EPB41L4B: variants seen among roughly 807,000 people sequenced by gnomAD.
EPB41L4B encodes the protein erythrocyte membrane protein band 4.1 like 4B.
EPB41L4B carries 30 observed loss-of-function variants against 112.5 expected under a neutral mutation model. The ratio of observed to expected loss-of-function variants is 0.27; its 90% confidence interval spans 0.20 to 0.36. The LOEUF is 0.36. Ranked by LOEUF, EPB41L4B falls within the 10% of genes least tolerant of loss-of-function variation. EPB41L4B has a pLI of 1.00. For missense variants in EPB41L4B, 1,024 were observed against 1,133.3 expected (o/e 0.90, Z 1.38); for synonymous variants, 408 against 439.7 (o/e 0.93, Z 0.90).
Position 109,253,455 on chromosome 9 carries a change from T to C in EPB41L4B, c.1265A>G (p.His422Arg), listed in dbSNP as rs780260303. ...AAACACACAACCTTTGAACGTTGAATGTCTCCGGGATGGATAACGTTTACT... is the reference window on the plus strand; with the variant it reads ...AAACACACAACCTTTGAACGTTGAACGTCTCCGGGATGGATAACGTTTACT... ...KPSKRYPSRR[H>R]STFKASNPVI... The change falls in exon 12 of 26, where the codon CAT becomes CGT. Residue 422 changes from histidine to arginine, a missense_variant. His to Arg is a conservative substitution (Grantham distance 29, BLOSUM62 0). Transcript: ENST00000374566. 6.2e-7 allele frequency: 1 copy of C among 1,611,486 alleles called. No homozygotes were observed. Among genetic ancestry groups the C allele is most frequent in the Non-Finnish European group, 8.5e-7 (1 of 1,177,838 alleles).
chr9:109,217,706 G>A (rs984965660), intron 15 of EPB41L4B, among the ~76,000 whole-genome samples: 1 of 152,126 alleles, frequency 6.6e-6, no homozygotes. Flanking sequence ...CAGGCAACTG[G>A]GGCCACAGGG....
intron 4 of EPB41L4B, among the ~76,000 whole-genome samples, chr9:109,265,259 G>A (rs180731757): frequency 2.0e-5 from 3 of 152,348 alleles, no homozygotes; most frequent in Admixed American, 2.0e-4. Flanking sequence ...GATACTTGTA[G>A]GATGGAACGT....
rs572374954 is a variant in EPB41L4B at position 109,310,288 on chromosome 9, C to T, written c.306+9853G>A. On this transcript the variant is annotated intron_variant, in intron 1 of 25. Coordinates refer to ENST00000374566, the MANE Select transcript of EPB41L4B (RefSeq NM_019114.5). ...ACTAACATGATATTGTTTAGGAAAA[C>T]GTACACATGCAGAGAACCTATAAAG... Among the ~76,000 whole-genome samples, 33 of 151,124 alleles carry T rather than the reference C, an allele frequency of 2.2e-4. No individual in the cohort carries two copies. In the South Asian group the frequency reaches 3.4e-3, roughly 15 times the overall value.
intron 19 of EPB41L4B, among the ~76,000 whole-genome samples, chr9:109,203,106 A>G (rs937265508): frequency 6.6e-6 from 1 of 152,240 alleles, no homozygotes; most frequent in African/African-American, 2.4e-5. Flanking sequence ...GTGAGCCGAG[A>G]TCGCACCACT....
At chr9:109,178,512 GT>G (rs1831929996) in intron 24 of EPB41L4B, among the ~76,000 whole-genome samples, 1 of 151,918 alleles carries the variant, frequency 6.6e-6, no homozygotes, top group Non-Finnish European at 1.5e-5. Context: ...AGTAGCTGGG[GT>G]TACAGGTGCC....
intron 17 of EPB41L4B, among the ~76,000 whole-genome samples, chr9:109,213,497 C>A (rs540702101): frequency 2.0e-5 from 3 of 152,250 alleles, no homozygotes; most frequent in African/African-American, 4.8e-5. Context: ...CTGGGAACGA[C>A]GCCTAATGCT....
At position 109,284,818 on chromosome 9, in the gene EPB41L4B, T is replaced by C. The variant is rs369856536; in HGVS notation, c.307-4897A>G. 3.9e-5 allele frequency among the ~76,000 whole-genome samples: 6 copies of C among 152,342 alleles called. No individual in the cohort carries two copies. In the East Asian group the frequency reaches 7.7e-4, roughly 20 times the overall value. The stretch of plus-strand genomic sequence containing the variant: ...TTCTTGACCTTAACAACCCACCCTT[T>C]GGATATTTTTTTCCCTATTACTATC... On this transcript the variant is annotated intron_variant, in intron 1 of 25. Transcript: ENST00000374566.
rs1050005867 is a variant in EPB41L4B at position 109,172,718 on chromosome 9, TAGAA to T, written c.*1832_*1835del. 1.3e-5 allele frequency: 2 copies of T among 152,516 alleles called. No individual in the cohort carries two copies. The highest frequency in any genetic ancestry group is 2.4e-5 in the African/African-American group (1 of 41,454). The allele number at this position is 152,516 out of a possible 1,614,324, so 9.4% of individuals were successfully genotyped here. Reference sequence around the variant, plus strand: ...AGGCAGGGAAGTGCGTAATACATTTTAGAAAGATTTCCCTCAAAAAAAAATATAT... The same window carrying T: ...AGGCAGGGAAGTGCGTAATACATTTTAGATTTCCCTCAAAAAAAAATATAT... On this transcript the variant is annotated 3_prime_UTR_variant, in exon 26 of 26. Transcript: ENST00000374566.
chr9:109,233,392 C>T (rs974497838), intron 15 of EPB41L4B, among the ~76,000 whole-genome samples: 1 of 152,028 alleles, frequency 6.6e-6, no homozygotes, highest in African/African-American at 2.4e-5. Context: ...TTATCAATAC[C>T]CTCCCAAACA....
chr9:109,213,754 C>T lies in EPB41L4B; in HGVS notation c.1698G>A (p.Leu566=), dbSNP rs766698155. ...AGGGTCCAGCAGCCTTCACAGTTTC[C>T]AGTTCCAGCTTCTTTAGATGGGCAG... ...EAAAHLKKLE[L]ETVKAAGPWP... Residue 566 remains leucine (L), a synonymous_variant, in exon 17 of 26, where the codon CTG becomes CTA. Coordinates refer to ENST00000374566, the MANE Select transcript of EPB41L4B (RefSeq NM_019114.5). The T allele has an allele frequency of 1.2e-6, 2 of 1,614,150 alleles. No homozygotes were observed. The highest frequency in any genetic ancestry group is 4.5e-5 in the East Asian group (2 of 44,870).
At position 109,181,796 on chromosome 9, in the gene EPB41L4B, C is replaced by T. The variant is rs575050570; in HGVS notation, c.2487+933G>A. ...GTGTTCAAACAGATACATGTACACA[C>T]ATATGCATAGCAGCACTATTCACAA... On this transcript the variant is annotated intron_variant, in intron 24 of 25. Coordinates refer to ENST00000374566, the MANE Select transcript of EPB41L4B (RefSeq NM_019114.5). Among the ~76,000 whole-genome samples, 10 of 152,334 alleles carry T rather than the reference C, an allele frequency of 6.6e-5. No individual in the cohort carries two copies. In the East Asian group the frequency reaches 9.6e-4, roughly 15 times the overall value.
At chr9:109,219,869 G>A (rs113862723) in intron 15 of EPB41L4B, among the ~76,000 whole-genome samples, 5 of 152,120 alleles carry the variant, frequency 3.3e-5, no homozygotes, top group South Asian at 2.1e-4. Context: ...AGCTGGCTCC[G>A]GCTGTAAGGA....
intron 2 of EPB41L4B, among the ~76,000 whole-genome samples, chr9:109,273,231 A>T (rs1184298267): frequency 6.6e-6 from 1 of 151,174 alleles, no homozygotes; most frequent in African/African-American, 2.4e-5. Flanking sequence ...GGATGAGGAG[A>T]GGCCTGTGGC....
At chr9:109,250,804 C>G (rs760928838) in intron 13 of EPB41L4B, among the ~76,000 whole-genome samples, 1 of 152,200 alleles carries the variant, frequency 6.6e-6, no homozygotes, top group Non-Finnish European at 1.5e-5. Context: ...AAAAACTATA[C>G]CCCTTGGGCC....
rs531747884 is a variant in EPB41L4B, at chr9:109,240,993, TC to T, written c.1409+2624del. 1.6e-5 allele frequency: 16 copies of T among 985,302 alleles called. No individual in the cohort carries two copies. The Admixed American group carries it at 9.8e-4, about 61-fold the overall frequency. The allele number at this position is 985,302 out of a possible 1,614,324, so 61.0% of individuals were successfully genotyped here. A position where few individuals can be genotyped will look rare whatever the true frequency, so the allele number is the denominator to read the frequency against. ...CTGCTTTAAGATGTGAAATTCAAAGTCCCCCTGTATCTATATAACATCTAAT... is the reference window on the plus strand; with the variant it reads ...CTGCTTTAAGATGTGAAATTCAAAGTCCCCTGTATCTATATAACATCTAAT... On this transcript the variant is annotated intron_variant, in intron 15 of 25. Transcript: ENST00000374566.
intron 1 of EPB41L4B, among the ~76,000 whole-genome samples, chr9:109,304,488 T>C (rs1222516979): frequency 6.6e-6 from 1 of 152,250 alleles, no homozygotes; most frequent in African/African-American, 2.4e-5. Context: ...TCATATGTTG[T>C]TCTTATACCA....
chr9:109,267,733 C>T (rs1835460454), intron 3 of EPB41L4B, among the ~76,000 whole-genome samples, 182 bp from the exon 4 acceptor site: 1 of 152,174 alleles, frequency 6.6e-6, no homozygotes, highest in Non-Finnish European at 1.5e-5. Flanking sequence ...GATGGATGGA[C>T]TTTTGTGCTG....
chr9:109,191,681 G>A (rs1048013218), intron 22 of EPB41L4B, among the ~76,000 whole-genome samples: 3 of 152,132 alleles, frequency 2.0e-5, no homozygotes, highest in African/African-American at 2.4e-5. Flanking sequence ...TGATCTCTAA[G>A]GGAATCTCAT....
chr9:109,265,311 C>T (rs968966104), intron 4 of EPB41L4B, among the ~76,000 whole-genome samples: 1 of 152,234 alleles, frequency 6.6e-6, no homozygotes, highest in East Asian at 1.9e-4. Context: ...CAACCCCCTC[C>T]GTGCTGGAGA....
Sources: gnomAD v4.1 joint callset for allele counts (sites outside exome capture counted in the v4.1 genomes callset) on GRCh38, gnomAD v4.1.1 for gene constraint, MANE v1.5 for transcripts, NCBI Gene and HGNC (gene_info 2026-07-23, HGNC 2026-07-21) for gene names.